CC2D2A: variants seen among roughly 807,000 people sequenced by gnomAD.
CC2D2A encodes the protein coiled-coil and C2 domain containing 2A.
CC2D2A carries 155 observed loss-of-function variants against 212.9 expected under a neutral mutation model. The ratio of observed to expected loss-of-function variants is 0.73; its 90% CI spans 0.64 to 0.83. CC2D2A has a LOEUF of 0.83. CC2D2A is among the 40% of genes least tolerant of loss of function. CC2D2A has a pLI of 0.00. For synonymous variants in CC2D2A, 667 were observed against 686.5 expected, an observed-to-expected ratio of 0.97 and a Z score of 0.44; for missense variants, 1,856 against 1,956.2, an observed-to-expected ratio of 0.95 and a Z score of 0.97.
chr4:15,522,990 G>T (rs1717298852), intron 11 of CC2D2A, among the ~76,000 whole-genome samples: 1 of 151,118 alleles, frequency 6.6e-6, no homozygotes, highest in East Asian at 1.9e-4. Context: ...TGGTGAGTGG[G>T]TGTAATCTCA....
intron 13 of CC2D2A, among the ~76,000 whole-genome samples, chr4:15,532,470 A>G (rs948314453): frequency 2.0e-5 from 3 of 152,164 alleles, no homozygotes; most frequent in African/African-American, 7.2e-5. Flanking sequence ...TCATTTATGT[A>G]TGTGTCCGTC....
chr4:15,546,352 C>A (rs1718710133), intron 17 of CC2D2A, among the ~76,000 whole-genome samples: 1 of 152,200 alleles, frequency 6.6e-6, no homozygotes, highest in Non-Finnish European at 1.5e-5. Context: ...ACCAAAACAA[C>A]TAACAACAGT....
At chr4:15,599,366 A>C (rs901076151) in intron 35 of CC2D2A, among the ~76,000 whole-genome samples, 163 bp from the exon 36 acceptor site, 10 of 152,162 alleles carry the variant, frequency 6.6e-5, no homozygotes, top group Non-Finnish European at 1.3e-4. Flanking sequence ...TTGAATCCCC[A>C]GGGAGTAGCC....
At chr4:15,498,857 A>G (rs766953981) in intron 4 of CC2D2A, among the ~76,000 whole-genome samples, 5 of 152,244 alleles carry the variant, frequency 3.3e-5, no homozygotes, top group Non-Finnish European at 7.3e-5. Flanking sequence ...TAAGTATAAT[A>G]TCCCTCACAC....
chr4:15,506,976 G>A (rs1716295665), intron 6 of CC2D2A, among the ~76,000 whole-genome samples: 1 of 151,652 alleles, frequency 6.6e-6, no homozygotes, highest in African/African-American at 2.4e-5. Flanking sequence ...TACTCAGGAG[G>A]CTGAGGCAGG....
chr4:15,547,966 G>A (rs1194601089), intron 17 of CC2D2A, among the ~76,000 whole-genome samples: 1 of 152,074 alleles, frequency 6.6e-6, no homozygotes, highest in Non-Finnish European at 1.5e-5. Flanking sequence ...ATGAACTCAG[G>A]AGGTGGAAGT....
chr4:15,535,206 C>T (rs1346368462), intron 14 of CC2D2A, among the ~76,000 whole-genome samples: 2 of 152,094 alleles, frequency 1.3e-5, no homozygotes, highest in Non-Finnish European at 2.9e-5. Flanking sequence ...TTTGTGCTTT[C>T]GAATTCCATC....
Position 15,528,631 on chromosome 4 carries a change from A to C in CC2D2A, c.1371A>C (p.Leu457Phe), listed in dbSNP as rs989319751. 3 of 1,613,700 alleles carry C rather than the reference A, an allele frequency of 1.9e-6. No homozygotes were observed. The highest frequency in any genetic ancestry group is 2.7e-5 in the African/African-American group (2 of 74,936). ...AKFLTDKLQA[L>F]RNAVQTGLDP... is the part of the protein sequence containing the mutation. ...CATGTCGTTTTAAGCTCCAAGCTTTAAGAAATGCTGTTCAGACTGGCCTTG... is the reference window on the plus strand; with the variant it reads ...CATGTCGTTTTAAGCTCCAAGCTTTCAGAAATGCTGTTCAGACTGGCCTTG... The change falls in exon 13 of 37, where the codon TTA (leucine) becomes TTC (phenylalanine). Residue 457 changes from leucine to phenylalanine, a missense_variant. Transcript: ENST00000424120.
intron 11 of CC2D2A, among the ~76,000 whole-genome samples, chr4:15,517,123 A>AT (rs759895130): frequency 6.6e-6 from 1 of 151,206 alleles, no homozygotes; most frequent in Non-Finnish European, 1.5e-5. Context: ...AATTTTTTGT[A>AT]TTTTTAGTAG....
At chr4:15,523,533 C>T (rs1717330752) in intron 11 of CC2D2A, among the ~76,000 whole-genome samples, 1 of 152,216 alleles carries the variant, frequency 6.6e-6, no homozygotes, top group South Asian at 2.1e-4. Context: ...GCGTTCTAAG[C>T]ACTTCACTAC....
intron 33 of CC2D2A, among the ~76,000 whole-genome samples, chr4:15,593,126 TTCA>T (rs1357258020): frequency 6.6e-6 from 1 of 152,208 alleles, no homozygotes; most frequent in Non-Finnish European, 1.5e-5. Context: ...TGATTAAGCT[TTCA>T]TCACTTTCTG....
At chr4:15,579,236 G>A (rs887999071) in intron 29 of CC2D2A, among the ~76,000 whole-genome samples, 68 of 151,986 alleles carry the variant, frequency 4.5e-4, no homozygotes, top group Non-Finnish European at 7.6e-4. Flanking sequence ...GGCCAAAGTG[G>A]GAGAATCACT....
At chr4:15,577,837 C>G (rs552899024) in intron 29 of CC2D2A, among the ~76,000 whole-genome samples, 1 of 152,076 alleles carries the variant, frequency 6.6e-6, no homozygotes, top group African/African-American at 2.4e-5. Flanking sequence ...TCTCAAGTCC[C>G]TGATTGCTTA....
chr4:15,531,299 C>T (rs1204722722), intron 13 of CC2D2A, among the ~76,000 whole-genome samples: 9 of 152,172 alleles, frequency 5.9e-5, no homozygotes, highest in South Asian at 2.1e-4. Context: ...ACCATCCCCA[C>T]GCATTGCCTG....
intron 35 of CC2D2A, 22 bp from the exon 36 acceptor site, chr4:15,599,507 G>T: frequency 6.8e-7 from 1 of 1,477,600 alleles, no homozygotes; most frequent in Non-Finnish European, 9.1e-7. Flanking sequence ...ACCAAAAAAT[G>T]GAATTTATGT....
At chr4:15,573,042 T>C (rs11943107) in intron 28 of CC2D2A, among the ~76,000 whole-genome samples, 41,487 of 151,988 alleles carry the variant, frequency 0.27, 5,870 homozygotes, top group East Asian at 0.46. Flanking sequence ...GCTGATCAGA[T>C]GGTGCCCACC....
intron 8 of CC2D2A, among the ~76,000 whole-genome samples, chr4:15,513,519 C>G (rs1180262107): frequency 6.6e-6 from 1 of 152,240 alleles, no homozygotes; most frequent in African/African-American, 2.4e-5. Context: ...GTTCCTAAAA[C>G]TGCTCTTTTA....
At chr4:15,521,356 TTTTC>T (rs1177545130) in intron 11 of CC2D2A, among the ~76,000 whole-genome samples, 1 of 152,240 alleles carries the variant, frequency 6.6e-6, no homozygotes, top group Non-Finnish European at 1.5e-5. Context: ...AACACAGTGC[TTTTC>T]TTTCACAATT....
At chr4:15,504,005 G>A (rs914055480) in intron 6 of CC2D2A, among the ~76,000 whole-genome samples, 11 of 152,198 alleles carry the variant, frequency 7.2e-5, no homozygotes, top group Admixed American at 3.3e-4. Flanking sequence ...AAATGGCTCA[G>A]GAGGTGTTTG....
Sources: gnomAD v4.1 joint callset for allele counts (sites outside exome capture counted in the v4.1 genomes callset) on GRCh38, gnomAD v4.1.1 for gene constraint, MANE v1.5 for transcripts, NCBI Gene and HGNC (gene_info 2026-07-23, HGNC 2026-07-21) for gene names.